BSN: variants seen among roughly 807,000 people sequenced by gnomAD.
BSN encodes protein bassoon.
BSN carries 57 observed loss-of-function variants against 264.8 expected under a neutral mutation model. The ratio of observed to expected loss-of-function variants is 0.22; its 90% CI spans 0.17 to 0.27. The LOEUF is 0.27. Ranked by LOEUF, BSN falls within the 10% of genes least tolerant of loss-of-function variation. The probability of loss-of-function intolerance (pLI) is 1.00; values close to 1 mark genes in which losing one functional copy is unlikely to be tolerated. For missense variants in BSN, 4,615 were observed against 5,232.5 expected, an observed-to-expected ratio of 0.88 and a Z score of 3.64; for synonymous variants, 2,059 against 2,137.3, an observed-to-expected ratio of 0.96 and a Z score of 1.01.
At chr3:49,589,082 A>ATTTTTTTTTT (rs55919876) in intron 1 of BSN, among the ~76,000 whole-genome samples, 7 of 132,456 alleles carry the variant, frequency 5.3e-5, no homozygotes, top group Non-Finnish European at 6.3e-5. Context: ...GCCTGGCTAA[A>ATTTTTTTTTT]TTTTTTTTTT....
At chr3:49,561,528 A>G (rs1484659352) in intron 1 of BSN, among the ~76,000 whole-genome samples, 1 of 151,844 alleles carries the variant, frequency 6.6e-6, no homozygotes, top group Non-Finnish European at 1.5e-5. Flanking sequence ...AACAAGGGTC[A>G]CTCCCATTAA....
intron 1 of BSN, among the ~76,000 whole-genome samples, chr3:49,568,005 G>A (rs1413218100): frequency 1.3e-5 from 2 of 152,212 alleles, no homozygotes; most frequent in Non-Finnish European, 2.9e-5. Context: ...TTCCAAGGGT[G>A]GGGAGAGGGC....
At chr3:49,613,357 G>C (rs1311893276) in intron 1 of BSN, among the ~76,000 whole-genome samples, 1 of 40,552 alleles carries the variant, frequency 2.5e-5, no homozygotes, top group Non-Finnish European at 6.4e-5. Context: ...AGAAGGGCTG[G>C]CCCAGAGCTC....
At chr3:49,658,268 G>A (rs2052628198) in intron 5 of BSN, 72 bp downstream of exon 5, 2 of 1,464,908 alleles carry the variant, frequency 1.4e-6, no homozygotes, top group African/African-American at 1.4e-5. Context: ...CACAGGGAGG[G>A]GCTTCTTCTG....
Position 49,650,890 on chromosome 3 carries a change from C to T in BSN, c.1797C>T (p.Ser599=). The change falls in exon 4 of 12, where the codon AGC becomes AGT. Residue 599 remains serine, a synonymous_variant. Transcript: ENST00000296452. ...AGCCCCTCAGGGCTTCTGAACCCAGCAAGACCCCAAGCAGTGTCCAGGAAA... is the reference window on the plus strand; with the variant it reads ...AGCCCCTCAGGGCTTCTGAACCCAGTAAGACCCCAAGCAGTGTCCAGGAAA... ...QAKPLRASEP[S]KTPSSVQEKK... is the part of the protein sequence containing the mutation. 6.2e-7 allele frequency: 1 copy of T among 1,614,218 alleles called. No individual in the cohort carries two copies. Among genetic ancestry groups the T allele is most frequent in the South Asian group, 1.1e-5 (1 of 91,084 alleles).
At chr3:49,664,713 A>T in intron 9 of BSN, 86 bp from the exon 10 acceptor site, 1 of 1,583,814 alleles carries the variant, frequency 6.3e-7, no homozygotes, top group South Asian at 1.1e-5. Flanking sequence ...CCTTGGGCTG[A>T]GCTTGCCTTC....
intron 1 of BSN, among the ~76,000 whole-genome samples, chr3:49,586,505 A>G (rs907106554): frequency 3.3e-5 from 5 of 151,866 alleles, no homozygotes; most frequent in African/African-American, 1.2e-4. Context: ...CACACCAGCC[A>G]ATTTTGTGTA....
rs1278285980 is a variant in BSN at position 49,652,918 on chromosome 3, C to G, written c.3362C>G (p.Ser1121Cys). The G allele has an allele frequency of 6.2e-6, 10 of 1,609,912 alleles. No individual in the cohort carries two copies. Among genetic ancestry groups the G allele is most frequent in the Non-Finnish European group, 8.5e-6 (10 of 1,177,544 alleles). ...QAAEMEELHR[S>C]SCSEYSPSPS... ...GCCGAGATGGAGGAGCTACACCGCT[C>G]CTCCTGCTCTGAGTACTCACCCTCA... Residue 1121 changes from serine to cysteine, a missense_variant, in exon 5 of 12, where the codon TCC (serine) becomes TGC (cysteine). By Grantham distance (112) the Ser-to-Cys change is moderately radical. Coordinates refer to ENST00000296452, the MANE Select transcript of BSN (RefSeq NM_003458.4).
chr3:49,651,152 G>A lies in BSN; in HGVS notation c.1986+73G>A. On this transcript the variant is annotated intron_variant, in intron 4 of 11. Transcript: ENST00000296452. This position sits in a 1 kb window ranked among gnomAD's most constrained non-coding sequence, Gnocchi z 5.4. ...TCTATGGAAAGGCTTGCCTCCCTGG[G>A]TGGCTGAGGCTGTAGGCTCAGGACA... 1 of 1,460,222 alleles carries A rather than the reference G, an allele frequency of 6.8e-7. No individual in the cohort carries two copies. The highest frequency in any genetic ancestry group is 9.1e-7 in the Non-Finnish European group (1 of 1,093,136). 90.5% of individuals were successfully genotyped at this position (1,460,222 alleles called of 1,614,324 possible).
Position 49,662,499 on chromosome 3 carries a change from G to T in BSN, c.10654G>T (p.Ala3552Ser), listed in dbSNP as rs774778213. The T allele has an allele frequency of 5.6e-6, 9 of 1,612,966 alleles. No homozygotes were observed. In the Admixed American group the frequency reaches 1.0e-4, roughly 18 times the overall value. The change falls in exon 6 of 12, where the codon GCA becomes TCA. Residue 3552 changes from alanine to serine, a missense_variant. Coordinates refer to ENST00000296452, the MANE Select transcript of BSN (RefSeq NM_003458.4). Reference protein sequence around the residue: ...EHVKDGPRAHAYKREEGYILD... With the variant: ...EHVKDGPRAHSYKREEGYILD... ...TGTCAAGGACGGACCTCGGGCCCAC[G>T]CATATAAGCGTGAGGAGGGCTACAT... is the stretch of plus-strand genomic sequence containing the variant.
Position 49,654,835 on chromosome 3 carries a change from A to C in BSN, c.5279A>C (p.Asp1760Ala), listed in dbSNP as rs775134606. 5 of 1,613,374 alleles carry C rather than the reference A, an allele frequency of 3.1e-6. No individual in the cohort carries two copies. In the East Asian group the frequency reaches 1.1e-4, roughly 36 times the overall value. ...GGAGACCCCTACCAGAGCCGCCTTG[A>C]CTTTGGCCAGGGTGGGGGTAGCCCT... Reference protein sequence around the residue: ...VYGDPYQSRLDFGQGGGSPVC... With the variant: ...VYGDPYQSRLAFGQGGGSPVC... The change falls in exon 5 of 12, where the codon GAC (aspartate) becomes GCC (alanine). Residue 1760 changes from aspartate (D) to alanine (A), a missense_variant. By Grantham distance (126) the Asp-to-Ala change is moderately radical. Transcript: ENST00000296452. The surrounding 1 kb of genome is among the most constrained non-coding windows in gnomAD (Gnocchi z 4.1).
chr3:49,557,643 T>C lies in BSN; in HGVS notation c.224+2817T>C, dbSNP rs372110624. On this transcript the variant is annotated intron_variant, in intron 1 of 11. Coordinates refer to ENST00000296452, the MANE Select transcript of BSN (RefSeq NM_003458.4). ...CCCAGGCTGGAGTGCAGTGGCACGA[T>C]CTCCGCTCACTGCAAGCTCCACCTT... Among the ~76,000 whole-genome samples the C allele has an allele frequency of 2.3e-4, 35 of 149,436 alleles. 1 individual carries two copies. The East Asian group carries it at 3.4e-3, about 14-fold the overall frequency.
At chr3:49,576,470 G>T (rs2051846401) in intron 1 of BSN, among the ~76,000 whole-genome samples, 1 of 150,692 alleles carries the variant, frequency 6.6e-6, no homozygotes, top group South Asian at 2.1e-4. Flanking sequence ...ACTCAGGCTG[G>T]AATGCAGTGG....
At chr3:49,587,328 A>G (rs1361959174) in intron 1 of BSN, among the ~76,000 whole-genome samples, 1 of 152,154 alleles carries the variant, frequency 6.6e-6, no homozygotes, top group Non-Finnish European at 1.5e-5. Context: ...TCCAGTTTTT[A>G]CAAATATAAG....
intron 1 of BSN, among the ~76,000 whole-genome samples, chr3:49,571,514 A>G (rs2051795064): frequency 6.6e-6 from 1 of 152,158 alleles, no homozygotes; most frequent in South Asian, 2.1e-4. Flanking sequence ...ATAAGGCTCC[A>G]GGGCCAGAAG....
intron 3 of BSN, among the ~76,000 whole-genome samples, chr3:49,646,808 T>C (rs2052505990): frequency 6.6e-6 from 1 of 152,174 alleles, no homozygotes; most frequent in Admixed American, 6.5e-5. Context: ...GTGAGGGGGT[T>C]ACAGCCCAGC....
chr3:49,581,356 T>C (rs2051894507), intron 1 of BSN, among the ~76,000 whole-genome samples: 1 of 152,230 alleles, frequency 6.6e-6, no homozygotes, highest in Non-Finnish European at 1.5e-5. Context: ...ATCTGCGGTC[T>C]TGCTTTCTGT....
chr3:49,642,293 G>T lies in BSN; in HGVS notation c.659G>T (p.Cys220Phe). Residue 220 changes from cysteine (C) to phenylalanine (F), a missense_variant, in exon 3 of 12, where the codon TGT becomes TTT. Physicochemically the swap from Cys to Phe is radical, Grantham distance 205 (BLOSUM62 -2). Coordinates refer to ENST00000296452, the MANE Select transcript of BSN (RefSeq NM_003458.4). The surrounding 1 kb of genome is among the most constrained non-coding windows in gnomAD (Gnocchi z 7.0). ...TQVKEWLCLN[C>F]QMQRALGMDM... ...GTGAAGGAGTGGCTCTGTCTGAACT[G>T]TCAGATGCAGAGGGCTCTGGGAATG... is the stretch of plus-strand genomic sequence containing the variant. 1 of 1,557,308 alleles carries T rather than the reference G, an allele frequency of 6.4e-7. No homozygotes were observed. Among genetic ancestry groups the T allele is most frequent in the Non-Finnish European group, 8.7e-7 (1 of 1,155,488 alleles).
Position 49,638,066 on chromosome 3 carries a change from A to T in BSN, c.634-4202A>T, listed in dbSNP as rs1250614900. Reference sequence around the variant, plus strand: ...TCTCCTGCCCATGTGCCAGATCAGGATCTTGGAGGTATTAGACAGCAGAAC... The same window carrying T: ...TCTCCTGCCCATGTGCCAGATCAGGTTCTTGGAGGTATTAGACAGCAGAAC... On this transcript the variant is annotated intron_variant, in intron 2 of 11. Transcript: ENST00000296452. This position sits in a 1 kb window ranked among gnomAD's most constrained non-coding sequence, Gnocchi z 4.3. Among the ~76,000 whole-genome samples, 1 of 152,196 alleles carries T rather than the reference A, an allele frequency of 6.6e-6. No individual in the cohort carries two copies. The highest frequency in any genetic ancestry group is 1.5e-5 in the Non-Finnish European group (1 of 68,026).
Sources: allele counts gnomAD v4.1 joint callset (sites outside exome capture counted in the v4.1 genomes callset), GRCh38; gene constraint gnomAD v4.1.1; non-coding constraint Gnocchi (gnomAD v3.1); transcripts MANE v1.5; gene names NCBI Gene and HGNC (gene_info 2026-07-23, HGNC 2026-07-21).